ROBO2: variants seen among roughly 807,000 people sequenced by gnomAD.
ROBO2 encodes the protein roundabout homolog 2.
A neutral mutation model predicts 160.8 loss-of-function variants in ROBO2; 53 were observed. The ratio of observed to expected loss-of-function variants is 0.33; its 90% confidence interval spans 0.26 to 0.41. The LOEUF is 0.41. Ranked by LOEUF, ROBO2 falls within the 10% of genes least tolerant of loss-of-function variation. ROBO2 has a pLI of 1.00. For missense variants in ROBO2, 1,577 were observed against 1,722.4 expected, an observed-to-expected ratio of 0.92 and a Z score of 1.49; for synonymous variants, 664 against 611.7, an observed-to-expected ratio of 1.09 and a Z score of -1.26.
intron 2 of ROBO2, among the ~76,000 whole-genome samples, chr3:77,393,598 T>C (rs1004779781): frequency 2.0e-5 from 3 of 148,874 alleles, no homozygotes; most frequent in African/African-American, 4.9e-5. Context: ...TAATATATAA[T>C]ATATTTATAC....
At chr3:76,707,736 TATATATA>T (rs2093199427) in intron 2 of ROBO2, among the ~76,000 whole-genome samples, 1 of 46,774 alleles carries the variant, frequency 2.1e-5, no homozygotes, top group African/African-American at 7.1e-5. Flanking sequence ...TGTGTGTATA[TATATATA>T]TATATATATA....
chr3:77,275,790 C>G (rs114644385), intron 2 of ROBO2, among the ~76,000 whole-genome samples: 6 of 151,986 alleles, frequency 3.9e-5, no homozygotes, highest in African/African-American at 1.5e-4. Flanking sequence ...GTTTGGTGTA[C>G]AATATGATAC....
chr3:76,210,641 G>C (rs1575888382), intron 2 of ROBO2, among the ~76,000 whole-genome samples: 3 of 152,100 alleles, frequency 2.0e-5, no homozygotes, highest in Admixed American at 1.3e-4. Context: ...ATTCTATCTA[G>C]CTTTTAATAT....
intron 2 of ROBO2, among the ~76,000 whole-genome samples, chr3:76,805,095 G>A (rs1283403114): frequency 1.3e-5 from 2 of 152,066 alleles, no homozygotes; most frequent in African/African-American, 2.4e-5. Flanking sequence ...AGTGTCTAAA[G>A]CATAGTAGGC....
At chr3:77,004,954 G>A (rs2061505135) in intron 2 of ROBO2, among the ~76,000 whole-genome samples, 1 of 152,016 alleles carries the variant, frequency 6.6e-6, no homozygotes, top group Non-Finnish European at 1.5e-5. Flanking sequence ...TTCTGATTGG[G>A]CCAGTAAAGT....
chr3:76,088,332 G>A (rs766034897), intron 2 of ROBO2, among the ~76,000 whole-genome samples: 8 of 152,020 alleles, frequency 5.3e-5, no homozygotes, highest in Non-Finnish European at 7.4e-5. Flanking sequence ...GCAGAAAATC[G>A]GTAAGGACAT....
At chr3:76,268,923 A>G (rs1707260325) in intron 2 of ROBO2, among the ~76,000 whole-genome samples, 1 of 152,122 alleles carries the variant, frequency 6.6e-6, no homozygotes, top group African/African-American at 2.4e-5. Flanking sequence ...ACTCCCACAC[A>G]CTATTTTGTT....
chr3:77,605,397 T>C (rs907110562), intron 20 of ROBO2, among the ~76,000 whole-genome samples: 2 of 152,064 alleles, frequency 1.3e-5, no homozygotes, highest in African/African-American at 4.8e-5. Flanking sequence ...TGGTTCTATG[T>C]ATGCTCTCCA....
intron 2 of ROBO2, among the ~76,000 whole-genome samples, chr3:77,398,773 G>A (rs9834991): frequency 0.64 from 96,224 of 151,130 alleles, 31,763 homozygotes; most frequent in African/African-American, 0.82. Context: ...TTGGTAGAGA[G>A]CGGGGTTTCA....
At chr3:76,020,449 T>G (rs573638008) in intron 2 of ROBO2, among the ~76,000 whole-genome samples, 1 of 152,008 alleles carries the variant, frequency 6.6e-6, no homozygotes, top group East Asian at 1.9e-4. Flanking sequence ...TTTTTATCAC[T>G]TTTTCTGCAC....
At chr3:77,159,798 A>G (rs572535706) in intron 2 of ROBO2, among the ~76,000 whole-genome samples, 26 of 152,290 alleles carry the variant, frequency 1.7e-4, no homozygotes, top group South Asian at 8.3e-4. Flanking sequence ...AGAAAGAACT[A>G]TGGAGAAGTC....
intron 16 of ROBO2, among the ~76,000 whole-genome samples, chr3:77,583,666 A>G (rs1300009157): frequency 6.6e-6 from 1 of 151,786 alleles, no homozygotes; most frequent in Non-Finnish European, 1.5e-5. Flanking sequence ...ACTTCTATTG[A>G]TTATCTTTTC....
chr3:77,484,696 T>G (rs2085137807), intron 4 of ROBO2, among the ~76,000 whole-genome samples: 1 of 152,062 alleles, frequency 6.6e-6, no homozygotes. Flanking sequence ...TTGGCCCACT[T>G]ATAGCTCCTT....
intron 2 of ROBO2, among the ~76,000 whole-genome samples, chr3:76,934,910 A>C (rs1577615200): frequency 6.6e-6 from 1 of 151,862 alleles, no homozygotes; most frequent in East Asian, 1.9e-4. Flanking sequence ...TATTACTGTG[A>C]CTTTTAAACT....
At position 76,105,949 on chromosome 3, in the gene ROBO2, C is replaced by A. The variant is rs200497499; in HGVS notation, c.109+168347C>A. Among the ~76,000 whole-genome samples, 8 of 152,220 alleles carry A rather than the reference C, an allele frequency of 5.3e-5. No homozygotes were observed. The East Asian group carries it at 1.5e-3, about 29-fold the overall frequency. On this transcript the variant is annotated intron_variant, in intron 2 of 26. Transcript: ENST00000487694. ...AAAGTTATTTCATAATACCACTGTA[C>A]AATGGTTTCAGTTATTACATTAAAT...
At chr3:77,564,566 T>C (rs2093425580) in intron 11 of ROBO2, 1 of 430,472 alleles carries the variant, frequency 2.3e-6, no homozygotes, top group African/African-American at 2.1e-5. Context: ...ATTTATTCTT[T>C]CTACAGGTTA....
chr3:76,125,050 A>G (rs985124794), intron 2 of ROBO2, among the ~76,000 whole-genome samples: 3 of 151,948 alleles, frequency 2.0e-5, no homozygotes, highest in African/African-American at 7.3e-5. Context: ...GTTTATATTC[A>G]CGTGTGTTCA....
chr3:77,511,653 C>T (rs1221230156), intron 5 of ROBO2, among the ~76,000 whole-genome samples: 1 of 151,910 alleles, frequency 6.6e-6, no homozygotes, highest in Non-Finnish European at 1.5e-5. Context: ...CCAGTGGTCA[C>T]TGGAGGATGA....
At chr3:77,508,839 C>T (rs914063276) in intron 5 of ROBO2, among the ~76,000 whole-genome samples, 6 of 151,960 alleles carry the variant, frequency 3.9e-5, no homozygotes, top group African/African-American at 1.5e-4. Flanking sequence ...AGACCTTGCT[C>T]TTTTTTTACC....
Sources: gnomAD v4.1 joint callset for allele counts (sites outside exome capture counted in the v4.1 genomes callset) on GRCh38, gnomAD v4.1.1 for gene constraint, MANE v1.5 for transcripts, NCBI Gene and HGNC (gene_info 2026-07-23, HGNC 2026-07-21) for gene names.